The following ING5 variants were observed in gnomAD, a reference collection of about 807,000 sequenced individuals.
ING5 encodes inhibitor of growth family member 5.
In ING5, 17 loss-of-function variants were observed where a neutral mutation model predicts 37.4. The ratio of observed to expected loss-of-function variants is 0.45; its 90% CI spans 0.31 to 0.68. ING5 has a LOEUF of 0.68. Ranked by LOEUF, ING5 falls within the 30% of genes least tolerant of loss-of-function variation. ING5 has a pLI of 0.05. For synonymous variants in ING5, 123 were observed against 116.6 expected (o/e 1.06, Z -0.36); for missense variants, 233 against 311.9 (o/e 0.75, Z 1.91).
At chr2:241,719,544 A>G in intron 5 of ING5, 1 of 1,535,994 alleles carries the variant, frequency 6.5e-7, no homozygotes, top group Non-Finnish European at 8.7e-7. Context: ...CCCTGTCCCG[A>G]CCGTGCCTTT....
rs1465432610 is a variant in ING5, at chr2:241,723,215, A to G, written c.624A>G (p.Pro208=). 3 of 1,614,088 alleles carry G rather than the reference A, an allele frequency of 1.9e-6. No homozygotes were observed. The highest frequency in any genetic ancestry group is 2.5e-6 in the Non-Finnish European group (3 of 1,180,028). ...TTTCTCCCTTTACTTTGCAGTGTCC[A>G]ATTGAGTGGTTTCACTTTGCCTGCG... is the stretch of plus-strand genomic sequence containing the variant. ...EMIGCDNPDC[P]IEWFHFACVD... is the part of the protein sequence containing the mutation. Residue 208 remains proline, a synonymous_variant, in exon 7 of 8, where the codon CCA becomes CCG. Coordinates refer to ENST00000313552, the MANE Select transcript of ING5 (RefSeq NM_032329.6).
chr2:241,704,561 T>TC, intron 1 of ING5, 92 bp from the exon 2 acceptor site: 1 of 1,040,556 alleles, frequency 9.6e-7, no homozygotes, highest in Non-Finnish European at 1.5e-6. Context: ...AGAGTGAAAC[T>TC]CCATCTCAAA....
chr2:241,700,356 A>T (rs1486480189), upstream of ING5, among the ~76,000 whole-genome samples: 1 of 151,022 alleles, frequency 6.6e-6, no homozygotes, highest in African/African-American at 2.4e-5. Context: ...ATGGGGTTTC[A>T]CCGTGTTAGG....
intron 5 of ING5, among the ~76,000 whole-genome samples, chr2:241,719,273 C>T (rs940720963): frequency 3.3e-5 from 5 of 152,246 alleles, no homozygotes; most frequent in South Asian, 2.1e-4. Flanking sequence ...GGTGGGGACG[C>T]GGCCGCCATG....
At chr2:241,687,049 G>A (rs1575111223), upstream of ING5, 2 of 428,228 alleles carry the variant, frequency 4.7e-6, no homozygotes, top group South Asian at 9.4e-5. Context: ...GTCCTCGGGC[G>A]AGCAGGGCCC....
At chr2:241,697,237 C>T (rs945924128), upstream of ING5, among the ~76,000 whole-genome samples, 5 of 151,962 alleles carry the variant, frequency 3.3e-5, no homozygotes, top group Admixed American at 6.6e-5. Context: ...AGATCAAGAC[C>T]ATCCTGGCTA....
chr2:241,709,522 C>A, intron 3 of ING5, 140 bp downstream of exon 3: 1 of 721,168 alleles, frequency 1.4e-6, no homozygotes, highest in Non-Finnish European at 2.3e-6. Context: ...GGAGGAAGTG[C>A]AGACGGAATA....
upstream of ING5, chr2:241,702,018 C>A: frequency 4.5e-6 from 6 of 1,328,036 alleles, no homozygotes; most frequent in Non-Finnish European, 2.9e-6. Context: ...CCCCGCCTCC[C>A]GCGGCACCGC....
intron 5 of ING5, among the ~76,000 whole-genome samples, chr2:241,718,969 C>T (rs1186226734): frequency 1.3e-5 from 2 of 152,220 alleles, no homozygotes; most frequent in South Asian, 2.1e-4. Flanking sequence ...ATAAAGGAAG[C>T]GTGGAGAGGG....
chr2:241,695,305 C>T (rs2069615600), intron 2 of ING5, among the ~76,000 whole-genome samples: 1 of 151,974 alleles, frequency 6.6e-6, no homozygotes, highest in Non-Finnish European at 1.5e-5. Context: ...ATCAGCCTTC[C>T]AGCCACCCCA....
chr2:241,719,925 G>A (rs770258007), intron 5 of ING5: 11 of 1,306,698 alleles, frequency 8.4e-6, no homozygotes, highest in East Asian at 5.8e-5. Context: ...GGGGCCCTGC[G>A]GCTCTGGATC....
intron 5 of ING5, 128 bp downstream of exon 5, chr2:241,712,199 T>TA: frequency 1.3e-6 from 1 of 764,996 alleles, no homozygotes; most frequent in South Asian, 1.9e-5. Flanking sequence ...TTCTGATTCT[T>TA]ACGCTGCGCG....
upstream of ING5, among the ~76,000 whole-genome samples, chr2:241,697,382 C>T (rs932429489): frequency 1.3e-5 from 2 of 150,160 alleles, no homozygotes; most frequent in Non-Finnish European, 3.0e-5. Context: ...TTGCAGTGAG[C>T]CGAGATCCTG....
At chr2:241,706,501 C>T (rs189331337) in intron 2 of ING5, among the ~76,000 whole-genome samples, 5 of 151,694 alleles carry the variant, frequency 3.3e-5, no homozygotes, top group African/African-American at 9.7e-5. Flanking sequence ...TGGTGGCGCA[C>T]GCCTATAATC....
At chr2:241,697,998 G>A (rs1226563289), upstream of ING5, among the ~76,000 whole-genome samples, 5 of 150,544 alleles carry the variant, frequency 3.3e-5, no homozygotes, top group South Asian at 2.1e-4. Context: ...CAGGAGAATG[G>A]CTGGAACCCA....
rs570524431 is a variant in ING5 at position 241,725,444 on chromosome 2, C to T, written c.*413C>T. On this transcript the variant is annotated 3_prime_UTR_variant, in exon 8 of 8. Coordinates refer to ENST00000313552, the MANE Select transcript of ING5 (RefSeq NM_032329.6). Reference sequence around the variant, plus strand: ...CAGCCCGGGCTCCGCGTGCCCCGCCCGCTGGAGCACCTGCCACCGAGGCGC... The same window carrying T: ...CAGCCCGGGCTCCGCGTGCCCCGCCTGCTGGAGCACCTGCCACCGAGGCGC... The T allele has an allele frequency of 4.6e-3, 707 of 155,220 alleles. 9 individuals carry two copies. Among genetic ancestry groups the T allele is most frequent in the African/African-American group, 0.017 (686 of 41,548 alleles). The allele number at this position is 155,220 out of a possible 1,614,324, so 9.6% of individuals were successfully genotyped here.
intron 1 of ING5, among the ~76,000 whole-genome samples, chr2:241,702,672 C>A (rs961910757): frequency 6.6e-6 from 1 of 152,216 alleles, no homozygotes; most frequent in African/African-American, 2.4e-5. Context: ...AGGGCGGTGC[C>A]GAGTCGGCCC....
At chr2:241,721,129 G>A (rs2070423488) in intron 5 of ING5, 1 of 985,580 alleles carries the variant, frequency 1.0e-6, no homozygotes, top group Non-Finnish European at 1.2e-6. Flanking sequence ...GTTGGCAGCA[G>A]AGGGTGCTGC....
intron 5 of ING5, chr2:241,721,458 G>A (rs556818957): frequency 7.1e-6 from 7 of 985,582 alleles, no homozygotes; most frequent in African/African-American, 3.5e-5. Flanking sequence ...AGAGGGCAGC[G>A]GGGAGGCCGG....
Sources: gnomAD v4.1 joint callset for allele counts (sites outside exome capture counted in the v4.1 genomes callset) on GRCh38, gnomAD v4.1.1 for gene constraint, MANE v1.5 for transcripts, NCBI Gene and HGNC (gene_info 2026-07-23, HGNC 2026-07-21) for gene names.